ASIC2: variants seen among roughly 807,000 people sequenced by gnomAD.
ASIC2 encodes acid-sensing ion channel 2.
A neutral mutation model predicts 57.3 loss-of-function variants in ASIC2; 25 were observed. The ratio of observed to expected loss-of-function variants is 0.44; its 90% CI spans 0.32 to 0.61. The LOEUF (loss-of-function observed/expected upper bound fraction) is 0.61. ASIC2 is among the 20% of genes least tolerant of loss of function. ASIC2 has a pLI of 0.06. For missense variants in ASIC2, 641 were observed against 738.1 expected, an observed-to-expected ratio of 0.87 and a Z score of 1.52; for synonymous variants, 319 against 307.5, an observed-to-expected ratio of 1.04 and a Z score of -0.39.
intron 1 of ASIC2, among the ~76,000 whole-genome samples, chr17:33,425,243 C>G (rs1484514345): frequency 6.6e-6 from 1 of 152,194 alleles, no homozygotes; most frequent in African/African-American, 2.4e-5. Context: ...TGCTAGGGCA[C>G]TGCATGGTGC....
At chr17:33,328,719 C>A (rs1408188242) in intron 1 of ASIC2, among the ~76,000 whole-genome samples, 2 of 152,156 alleles carry the variant, frequency 1.3e-5, no homozygotes, top group African/African-American at 4.8e-5. Context: ...CAAGAAAAAT[C>A]AGGCCAAAAA....
chr17:33,139,681 G>C (rs1449170077), intron 1 of ASIC2, among the ~76,000 whole-genome samples: 7 of 152,154 alleles, frequency 4.6e-5, no homozygotes, highest in Admixed American at 4.6e-4. Flanking sequence ...CCTCCTGCTG[G>C]TCTCTCAGAC....
chr17:33,842,954 G>A lies in ASIC2; in HGVS notation c.555+313024C>T, dbSNP rs114152585. Among the ~76,000 whole-genome samples, 1,298 of 152,290 alleles carry A rather than the reference G, an allele frequency of 8.5e-3. 19 individuals are homozygous for A. Among genetic ancestry groups the A allele is most frequent in the African/African-American group, 0.029 (1,218 of 41,550 alleles). ...GATTTTGATTTGATGAAAGGGAGAT[G>A]TCTGTGGCAGTTAGAACTGAGCTCC... is the stretch of plus-strand genomic sequence containing the variant. On this transcript the variant is annotated intron_variant, in intron 1 of 9. Coordinates refer to the ASIC2 transcript ENST00000359872.
chr17:33,070,775 T>C (rs1159675356), intron 3 of ASIC2, among the ~76,000 whole-genome samples: 1 of 152,216 alleles, frequency 6.6e-6, no homozygotes, highest in Non-Finnish European at 1.5e-5. Flanking sequence ...ACAGATCTGC[T>C]GGTGATAGAT....
chr17:33,622,872 C>A (rs1474145313), intron 1 of ASIC2, among the ~76,000 whole-genome samples: 1 of 152,204 alleles, frequency 6.6e-6, no homozygotes, highest in Non-Finnish European at 1.5e-5. Context: ...TAAGAGAACA[C>A]AACCACTTAA....
chr17:33,740,647 A>C (rs1043434066), intron 1 of ASIC2, among the ~76,000 whole-genome samples: 1 of 152,214 alleles, frequency 6.6e-6, no homozygotes, highest in South Asian at 2.1e-4. Flanking sequence ...CATAGACATC[A>C]GATGGGAAAG....
intron 1 of ASIC2, among the ~76,000 whole-genome samples, chr17:33,998,788 T>C (rs1438983430): frequency 6.6e-6 from 1 of 152,150 alleles, no homozygotes; most frequent in Non-Finnish European, 1.5e-5. Flanking sequence ...ATAGTGTAAT[T>C]TGATTTATCC....
intron 1 of ASIC2, among the ~76,000 whole-genome samples, chr17:33,452,649 AC>A (rs1007011179): frequency 1.7e-4 from 25 of 151,202 alleles, no homozygotes; most frequent in African/African-American, 5.8e-4. Context: ...GCCATGCACG[AC>A]CTCTATTCTG....
intron 1 of ASIC2, among the ~76,000 whole-genome samples, chr17:33,852,787 T>A: frequency 6.6e-6 from 1 of 152,190 alleles, no homozygotes; most frequent in East Asian, 1.9e-4. Context: ...TTACAAATTG[T>A]CTTTCCCATT....
chr17:34,146,022 G>A (rs1251709177), intron 1 of ASIC2, among the ~76,000 whole-genome samples: 2 of 152,222 alleles, frequency 1.3e-5, no homozygotes, highest in Non-Finnish European at 2.9e-5. Flanking sequence ...GTGTATGCTA[G>A]AATGTGAGCA....
rs1053564505 is a variant in ASIC2, at chr17:33,948,900, A to G, written c.555+207078T>C. Among the ~76,000 whole-genome samples the G allele has an allele frequency of 3.3e-5, 5 of 152,126 alleles. No homozygotes were observed. The East Asian group carries it at 7.7e-4, about 23-fold the overall frequency. ...ACACTTCTTTTGTGAAGGGCCAGAG[A>G]GTAGATCTTTTAGGTATGCAGGCCA... On this transcript the variant is annotated intron_variant, in intron 1 of 9. Transcript: ENST00000359872.
chr17:33,153,071 C>T (rs150501570), intron 1 of ASIC2, among the ~76,000 whole-genome samples: 34 of 152,240 alleles, frequency 2.2e-4, no homozygotes, highest in African/African-American at 7.5e-4. Flanking sequence ...GAGTTTGAGG[C>T]TCGTAAAGCT....
rs538953650 is a variant in ASIC2, at chr17:33,676,858, T to G, written c.555+479120A>C. ...TCCCATTGTTGGGGGTGGGGCCTGG[T>G]GGAGGTGGAAGGTGTCTGGGTCATG... On this transcript the variant is annotated intron_variant, in intron 1 of 9. Transcript: ENST00000359872. 3.1e-3 allele frequency among the ~76,000 whole-genome samples: 436 copies of G among 139,454 alleles called. 2 individuals are homozygous for G. The highest frequency in any genetic ancestry group is 0.018 in the Middle Eastern group (5 of 280). 91.5% of individuals were successfully genotyped at this position (139,454 alleles called of 152,430 possible).
chr17:33,537,109 T>C (rs941705445), intron 1 of ASIC2, among the ~76,000 whole-genome samples: 1 of 152,200 alleles, frequency 6.6e-6, no homozygotes, highest in African/African-American at 2.4e-5. Flanking sequence ...AAAATTTCTT[T>C]TTGTAGTTTA....
At chr17:33,031,759 C>T (rs1567721670) in intron 3 of ASIC2, among the ~76,000 whole-genome samples, 1 of 151,982 alleles carries the variant, frequency 6.6e-6, no homozygotes, top group East Asian at 1.9e-4. Flanking sequence ...TCAATTTTTG[C>T]TTTGGGTATT....
At chr17:33,984,909 C>G (rs192929557) in intron 1 of ASIC2, among the ~76,000 whole-genome samples, 1 of 152,168 alleles carries the variant, frequency 6.6e-6, no homozygotes, top group East Asian at 1.9e-4. Flanking sequence ...TAAGCACATC[C>G]CTGTCCTTTA....
intron 1 of ASIC2, among the ~76,000 whole-genome samples, chr17:33,509,729 T>A (rs373179359): frequency 1.6e-4 from 25 of 152,338 alleles, no homozygotes; most frequent in African/African-American, 5.8e-4. Flanking sequence ...TTGTTGGATA[T>A]GCTTAGGAAA....
chr17:33,211,005 A>C (rs573204265), intron 1 of ASIC2, among the ~76,000 whole-genome samples: 1 of 152,332 alleles, frequency 6.6e-6, no homozygotes, highest in African/African-American at 2.4e-5. Flanking sequence ...GATGAAAGAA[A>C]TGCCAAATAA....
chr17:33,963,001 C>G (rs1373028999), intron 1 of ASIC2, among the ~76,000 whole-genome samples: 1 of 152,150 alleles, frequency 6.6e-6, no homozygotes, highest in Non-Finnish European at 1.5e-5. Context: ...TTGTTGTTCA[C>G]TGAATGTGTG....
Sources: gnomAD v4.1 joint callset for allele counts (sites outside exome capture counted in the v4.1 genomes callset) on GRCh38, gnomAD v4.1.1 for gene constraint, MANE v1.5 for transcripts, NCBI Gene and HGNC (gene_info 2026-07-23, HGNC 2026-07-21) for gene names.